METAP1D: variants seen among roughly 807,000 people sequenced by gnomAD.
METAP1D encodes methionine aminopeptidase 1D, mitochondrial.
In METAP1D, 31 loss-of-function variants were observed where a neutral mutation model predicts 40.5. The ratio of observed to expected loss-of-function variants is 0.77; its 90% CI spans 0.58 to 1.03. The LOEUF is 1.03. Among genes scored for constraint, METAP1D ranks in the 50% least tolerant of loss-of-function variants. The pLI is 0.00. For synonymous variants in METAP1D, 151 were observed against 146.4 expected, an observed-to-expected ratio of 1.03 and a Z score of -0.22; for missense variants, 411 against 420.7, an observed-to-expected ratio of 0.98 and a Z score of 0.20.
At chr2:172,027,027 A>C (rs1689133184) in intron 1 of METAP1D, among the ~76,000 whole-genome samples, 1 of 152,216 alleles carries the variant, frequency 6.6e-6, no homozygotes, top group Non-Finnish European at 1.5e-5. Context: ...CTAGAAGAAG[A>C]GGGCCTGGAA....
At chr2:172,078,838 G>A (rs575365328) in intron 7 of METAP1D, among the ~76,000 whole-genome samples, 2 of 152,308 alleles carry the variant, frequency 1.3e-5, no homozygotes, top group African/African-American at 4.8e-5. Context: ...CCTTCCCCAG[G>A]ACTTCTTTGA....
chr2:172,011,218 C>G (rs1688713251), intron 1 of METAP1D, among the ~76,000 whole-genome samples: 1 of 152,022 alleles, frequency 6.6e-6, no homozygotes, highest in South Asian at 2.1e-4. Flanking sequence ...AAACCTCTTA[C>G]CCATTAGCAG....
In METAP1D at chr2:172,065,796, C is replaced by T. The variant is rs1412342543; in HGVS notation, c.497+44C>T. 1.9e-6 allele frequency: 3 copies of T among 1,581,456 alleles called. No individual in the cohort carries two copies. In the East Asian group the frequency reaches 6.8e-5, roughly 36 times the overall value. ...CATATTGTTCCTTTGGAAACTAAAA[C>T]ATGAAGCTAAGATCTGTAACATATG... On this transcript the variant is annotated intron_variant, in intron 4 of 9. Coordinates refer to ENST00000315796, the MANE Select transcript of METAP1D (RefSeq NM_199227.3).
In METAP1D at chr2:172,045,165, T is replaced by G. The variant is rs891497352; in HGVS notation, c.41-16333T>G. ...TTGCAAATATGTTAAAGTTTGCATA[T>G]TTCTTAACCCACAAATACTACTTTT... On this transcript the variant is annotated intron_variant, in intron 1 of 9. Coordinates refer to ENST00000315796, the MANE Select transcript of METAP1D (RefSeq NM_199227.3). 8.2e-5 allele frequency among the ~76,000 whole-genome samples: 11 copies of G among 134,364 alleles called. 4 individuals are homozygous for G. The highest frequency in any genetic ancestry group is 1.9e-4 in the Non-Finnish European group (11 of 57,690). 88.1% of individuals were successfully genotyped at this position (134,364 alleles called of 152,430 possible). A position where few individuals can be genotyped will look rare whatever the true frequency, so the allele number is the denominator to read the frequency against.
rs199519619 is a variant in METAP1D at position 172,069,459 on chromosome 2, C to A, written c.541-1448C>A. On this transcript the variant is annotated intron_variant, in intron 5 of 9. Coordinates refer to ENST00000315796, the MANE Select transcript of METAP1D (RefSeq NM_199227.3). ...AAAAATTTGAATTTTTGAACGAAAT[C>A]AGCATAGTCTTCCCTACTGTTTCCA... is the stretch of plus-strand genomic sequence containing the variant. Among the ~76,000 whole-genome samples the A allele has an allele frequency of 1.5e-4, 23 of 152,204 alleles. No homozygotes were observed. In the East Asian group the frequency reaches 4.4e-3, roughly 29 times the overall value.
chr2:172,010,690 C>T (rs1387460263), intron 1 of METAP1D, among the ~76,000 whole-genome samples: 1 of 150,394 alleles, frequency 6.6e-6, no homozygotes, highest in African/African-American at 2.4e-5. Flanking sequence ...GACAGGGTTT[C>T]GCCATGTTGG....
chr2:172,020,334 C>G (rs992130521), intron 1 of METAP1D, among the ~76,000 whole-genome samples: 2 of 152,138 alleles, frequency 1.3e-5, no homozygotes, highest in Admixed American at 1.3e-4. Flanking sequence ...TCTGAAATAT[C>G]AAGGCTTTTC....
chr2:172,060,395 C>T (rs1349325024), intron 1 of METAP1D, among the ~76,000 whole-genome samples: 7 of 139,616 alleles, frequency 5.0e-5, no homozygotes, highest in South Asian at 2.2e-4. Context: ...TTAGCCTGGG[C>T]GACAGAGCAA....
intron 1 of METAP1D, among the ~76,000 whole-genome samples, chr2:172,059,923 C>T (rs772222780): frequency 3.3e-5 from 5 of 152,150 alleles, no homozygotes; most frequent in South Asian, 4.2e-4. Flanking sequence ...TGGTGGTGCG[C>T]GCCTGCAGTC....
chr2:172,032,188 C>G (rs1220755991), intron 1 of METAP1D, among the ~76,000 whole-genome samples: 1 of 152,124 alleles, frequency 6.6e-6, no homozygotes, highest in Non-Finnish European at 1.5e-5. Flanking sequence ...CCTCTAATCT[C>G]CCAGCCTCAT....
chr2:172,015,426 ATAAT>A (rs1688833622), intron 1 of METAP1D, among the ~76,000 whole-genome samples: 1 of 152,176 alleles, frequency 6.6e-6, no homozygotes, highest in Admixed American at 6.5e-5. Flanking sequence ...AAGAAAGAAA[ATAAT>A]TAGAGATGCT....
chr2:172,051,764 T>C (rs1281352560), intron 1 of METAP1D, among the ~76,000 whole-genome samples: 2 of 152,182 alleles, frequency 1.3e-5, no homozygotes, highest in Non-Finnish European at 2.9e-5. Context: ...TTCTGACATC[T>C]ACAGACCAGT....
chr2:172,003,729 TG>T (rs1481949740), intron 1 of METAP1D, among the ~76,000 whole-genome samples: 1 of 152,134 alleles, frequency 6.6e-6, no homozygotes, highest in Non-Finnish European at 1.5e-5. Context: ...CATAGCAGTG[TG>T]AGAACAGACT....
At chr2:172,005,022 G>A (rs559956286) in intron 1 of METAP1D, among the ~76,000 whole-genome samples, 4 of 151,132 alleles carry the variant, frequency 2.6e-5, no homozygotes, top group South Asian at 2.1e-4. Context: ...TCCTGGGCTC[G>A]ACCAGTCCTC....
In METAP1D at chr2:172,053,890, T is replaced by C. The variant is rs112264731; in HGVS notation, c.41-7608T>C. On this transcript the variant is annotated intron_variant, in intron 1 of 9. Transcript: ENST00000315796. The stretch of plus-strand genomic sequence containing the variant: ...CTGGAAACATACAATGAAAAATATA[T>C]GTGTTGGTAGTCCAAACTTGAGTAC... 7.6e-3 allele frequency among the ~76,000 whole-genome samples: 1,153 copies of C among 152,326 alleles called. 12 individuals carry two copies. The highest frequency in any genetic ancestry group is 0.025 in the African/African-American group (1,056 of 41,578).
intron 1 of METAP1D, among the ~76,000 whole-genome samples, chr2:172,057,891 T>C (rs940831772): frequency 6.6e-6 from 1 of 152,148 alleles, no homozygotes; most frequent in Non-Finnish European, 1.5e-5. Flanking sequence ...TTAGAAGCTA[T>C]ACTGGAGGTC....
intron 1 of METAP1D, among the ~76,000 whole-genome samples, chr2:172,011,013 C>T (rs1463561949): frequency 6.6e-6 from 1 of 152,112 alleles, no homozygotes; most frequent in Admixed American, 6.5e-5. Flanking sequence ...CCTCAGTCTC[C>T]CATAGTGCTG....
chr2:172,000,855 G>C (rs1688444765), intron 1 of METAP1D, among the ~76,000 whole-genome samples: 1 of 152,070 alleles, frequency 6.6e-6, no homozygotes, highest in South Asian at 2.1e-4. Context: ...TTAAAAATTA[G>C]TCGGGCGTGG....
chr2:172,032,346 T>A (rs1689260134), intron 1 of METAP1D, among the ~76,000 whole-genome samples: 1 of 152,228 alleles, frequency 6.6e-6, no homozygotes, highest in African/African-American at 2.4e-5. Flanking sequence ...TATTTCAAAG[T>A]GAAATTATGT....
Sources: allele counts gnomAD v4.1 joint callset (sites outside exome capture counted in the v4.1 genomes callset), GRCh38; gene constraint gnomAD v4.1.1; transcripts MANE v1.5; gene names NCBI Gene and HGNC (gene_info 2026-07-23, HGNC 2026-07-21).